Variants in HACE1 observed in about 807,000 individuals in gnomAD.
HACE1 encodes E3 ubiquitin-protein ligase HACE1.
In HACE1, 73 loss-of-function variants were observed where a neutral mutation model predicts 118.4. The ratio of observed to expected loss-of-function variants is 0.62; its 90% CI spans 0.51 to 0.75. The LOEUF (loss-of-function observed/expected upper bound fraction) is 0.75, where lower values mean the gene tolerates loss of function less well. Among genes scored for constraint, HACE1 ranks in the 30% least tolerant of loss-of-function variants. HACE1 has a pLI of 0.00. For synonymous variants in HACE1, 368 were observed against 374.8 expected (o/e 0.98, Z 0.21); for missense variants, 749 against 1,102.2 (o/e 0.68, Z 4.54).
chr6:104,781,223 G>C (rs754622083), intron 14 of HACE1, among the ~76,000 whole-genome samples: 1 of 152,098 alleles, frequency 6.6e-6, no homozygotes, highest in African/African-American at 2.4e-5. Flanking sequence ...ATAGATTCCT[G>C]TTTATGTTGC....
chr6:104,813,847 A>G (rs570227978), intron 6 of HACE1, among the ~76,000 whole-genome samples: 1 of 138,520 alleles, frequency 7.2e-6, no homozygotes, highest in Admixed American at 7.1e-5. Context: ...CAAAGACAGT[A>G]AAGGGAACCA....
In HACE1 at chr6:104,745,871, T is replaced by G. The variant is rs1362251435; in HGVS notation, c.2344-1261A>C. ...ATATAAGGCAACATCTGAGAACTCT[T>G]GAGGGTTTCCGAGATCTACTCAGTG... On this transcript the variant is annotated intron_variant, in intron 20 of 23. Transcript: ENST00000262903. 2.4e-5 allele frequency among the ~76,000 whole-genome samples: 3 copies of G among 124,740 alleles called. No homozygotes were observed. In the East Asian group the frequency reaches 7.2e-4, roughly 30 times the overall value. 81.8% of individuals were successfully genotyped at this position (124,740 alleles called of 152,430 possible). A position where few individuals can be genotyped will look rare whatever the true frequency, so the allele number is the denominator to read the frequency against.
At chr6:104,730,043 G>T (rs552552617) in intron 23 of HACE1, among the ~76,000 whole-genome samples, 2 of 152,276 alleles carry the variant, frequency 1.3e-5, no homozygotes, top group Admixed American at 6.5e-5. Flanking sequence ...GTGTAACTCA[G>T]TGCTACTTAC....
At chr6:104,839,062 C>G (rs1234827689) in intron 5 of HACE1, among the ~76,000 whole-genome samples, 1 of 151,884 alleles carries the variant, frequency 6.6e-6, no homozygotes, top group Non-Finnish European at 1.5e-5. Context: ...ATCATCTCAC[C>G]CCTATTAAAA....
intron 6 of HACE1, among the ~76,000 whole-genome samples, chr6:104,818,660 A>T (rs147295810): frequency 9.2e-5 from 14 of 152,306 alleles, no homozygotes; most frequent in African/African-American, 3.4e-4. Flanking sequence ...AGAATCCAGC[A>T]GCACATCAAA....
At chr6:104,816,073 CA>C (rs60838357) in intron 6 of HACE1, among the ~76,000 whole-genome samples, 30,610 of 125,342 alleles carry the variant, frequency 0.24, 3,658 homozygotes, top group African/African-American at 0.4. Context: ...AACTACAACT[CA>C]AAAAAAAAAA....
chr6:104,856,279 C>G (rs1165609342), intron 1 of HACE1, among the ~76,000 whole-genome samples: 1 of 152,156 alleles, frequency 6.6e-6, no homozygotes, highest in Non-Finnish European at 1.5e-5. Context: ...TACAATTTCT[C>G]TTCAAACCAT....
intron 19 of HACE1, among the ~76,000 whole-genome samples, chr6:104,751,831 C>A (rs1475640308): frequency 1.3e-5 from 2 of 151,254 alleles, no homozygotes; most frequent in African/African-American, 4.9e-5. Flanking sequence ...TATATAGCTC[C>A]TACCTACTAG....
intron 11 of HACE1, among the ~76,000 whole-genome samples, chr6:104,790,416 T>C (rs1219394009): frequency 6.6e-6 from 1 of 152,218 alleles, no homozygotes; most frequent in Non-Finnish European, 1.5e-5. Context: ...ATATCACTTT[T>C]TTGATAAATA....
At chr6:104,817,768 C>T (rs1011693798) in intron 6 of HACE1, among the ~76,000 whole-genome samples, 1 of 152,142 alleles carries the variant, frequency 6.6e-6, no homozygotes, top group Non-Finnish European at 1.5e-5. Context: ...CAAAAAAGAA[C>T]GTTATTACAG....
At chr6:104,824,774 A>G (rs1773129917) in intron 6 of HACE1, 1 of 152,162 alleles carries the variant, frequency 6.6e-6, no homozygotes, top group African/African-American at 2.4e-5. Context: ...AGTGACAAAC[A>G]TTTAGAAATG....
chr6:104,748,646 A>G (rs1288476355), intron 20 of HACE1, among the ~76,000 whole-genome samples: 1 of 152,230 alleles, frequency 6.6e-6, no homozygotes, highest in African/African-American at 2.4e-5. Context: ...TACTTGAAAG[A>G]GCCTGAAACT....
intron 22 of HACE1, among the ~76,000 whole-genome samples, chr6:104,739,691 G>A (rs2114463384): frequency 6.6e-6 from 1 of 151,684 alleles, no homozygotes; most frequent in South Asian, 2.1e-4. Context: ...CCTACAAAGA[G>A]ACTTAGACTC....
intron 6 of HACE1, among the ~76,000 whole-genome samples, chr6:104,813,156 A>C (rs1771808651): frequency 7.2e-6 from 1 of 138,432 alleles, no homozygotes; most frequent in Non-Finnish European, 1.6e-5. Context: ...ATCAGAAAAG[A>C]ATCTTACAGA....
At chr6:104,827,023 C>G (rs1773407133) in intron 6 of HACE1, among the ~76,000 whole-genome samples, 1 of 152,130 alleles carries the variant, frequency 6.6e-6, no homozygotes, top group Non-Finnish European at 1.5e-5. Context: ...GACTTCATAA[C>G]CTTTCAAGTG....
chr6:104,742,296 A>C (rs369044972), intron 22 of HACE1, among the ~76,000 whole-genome samples: 27 of 138,088 alleles, frequency 2.0e-4, no homozygotes, highest in Non-Finnish European at 2.8e-4. Flanking sequence ...GCAACAAAAG[A>C]CAAAATTGAC....
intron 20 of HACE1, among the ~76,000 whole-genome samples, chr6:104,747,528 G>A (rs13220098): frequency 0.14 from 21,022 of 151,706 alleles, 1,494 homozygotes; most frequent in Middle Eastern, 0.24. Flanking sequence ...CCTCCCCTAT[G>A]AAAGACACAA....
chr6:104,750,202 C>G, intron 20 of HACE1, 139 bp downstream of exon 20: 1 of 705,248 alleles, frequency 1.4e-6, no homozygotes, highest in Non-Finnish European at 2.4e-6. Flanking sequence ...TATCAAATCT[C>G]TAAAAATGGA....
chr6:104,730,198 T>A (rs1388933855), intron 23 of HACE1, 105 bp downstream of exon 23: 1 of 724,750 alleles, frequency 1.4e-6, no homozygotes, highest in Non-Finnish European at 2.5e-6. Flanking sequence ...TGGAGAGAGA[T>A]CACAGCTGAG....
Sources: gnomAD v4.1 joint callset for allele counts (sites outside exome capture counted in the v4.1 genomes callset) on GRCh38, gnomAD v4.1.1 for gene constraint, MANE v1.5 for transcripts, NCBI Gene and HGNC (gene_info 2026-07-23, HGNC 2026-07-21) for gene names.